NTM: variants seen among roughly 807,000 people sequenced by gnomAD.
NTM encodes IgLON family member 2.
In NTM, 13 loss-of-function variants were observed where a neutral mutation model predicts 42.1. That is an observed-to-expected ratio of 0.31 (90% CI 0.20 to 0.49). The LOEUF (loss-of-function observed/expected upper bound fraction) is 0.49, where lower values mean the gene tolerates loss of function less well. NTM is among the 20% of genes least tolerant of loss of function. The pLI is 0.99. For missense variants in NTM, 373 were observed against 452.8 expected, an observed-to-expected ratio of 0.82 and a Z score of 1.60; for synonymous variants, 187 against 179.2, an observed-to-expected ratio of 1.04 and a Z score of -0.35.
At chr11:131,587,810 CAGT>C (rs1287100144) in intron 1 of NTM, among the ~76,000 whole-genome samples, 13 of 152,038 alleles carry the variant, frequency 8.6e-5, no homozygotes, top group African/African-American at 3.1e-4. Flanking sequence ...GAGAGAATTA[CAGT>C]AGTTGACAGC....
chr11:131,804,037 G>A (rs984412062), intron 1 of NTM, among the ~76,000 whole-genome samples: 2 of 152,042 alleles, frequency 1.3e-5, no homozygotes, highest in African/African-American at 4.8e-5. Context: ...TCCTTGCCCC[G>A]ACATAAAATC....
intron 1 of NTM, among the ~76,000 whole-genome samples, chr11:131,575,302 C>A (rs1289213477): frequency 6.6e-6 from 1 of 152,128 alleles, no homozygotes; most frequent in Non-Finnish European, 1.5e-5. Context: ...TGACAGGGAG[C>A]CCCCCGTCAC....
At chr11:131,941,411 C>G (rs912576930) in intron 2 of NTM, among the ~76,000 whole-genome samples, 1 of 152,150 alleles carries the variant, frequency 6.6e-6, no homozygotes, top group Admixed American at 6.5e-5. Context: ...CAAATCCTGT[C>G]CATAGCAGGG....
chr11:131,960,001 G>A (rs1396386504), intron 2 of NTM, among the ~76,000 whole-genome samples: 3 of 152,212 alleles, frequency 2.0e-5, no homozygotes, highest in Non-Finnish European at 4.4e-5. Flanking sequence ...CTTGCAAAGA[G>A]GCAGTGGAGG....
intron 1 of NTM, among the ~76,000 whole-genome samples, chr11:131,498,213 C>T (rs909339634): frequency 6.6e-6 from 1 of 152,198 alleles, no homozygotes; most frequent in Non-Finnish European, 1.5e-5. Context: ...TGCAGTCAGA[C>T]AGACCCAAGT....
chr11:131,557,720 T>C lies in NTM; in HGVS notation c.82+186832T>C, dbSNP rs150445745. On this transcript the variant is annotated intron_variant, in intron 1 of 8. Transcript: ENST00000683400. The stretch of plus-strand genomic sequence containing the variant: ...GTGCCTTACTCAATTAGATGCTTCT[T>C]GGAGCATTTGAATGAGGGGCTAGCA... 6.7e-4 allele frequency among the ~76,000 whole-genome samples: 78 copies of C among 115,830 alleles called. 3 individuals carry two copies. In the East Asian group the frequency reaches 0.017, roughly 26 times the overall value. The allele number at this position is 115,830 out of a possible 152,430, so 76.0% of individuals were successfully genotyped here. A position where few individuals can be genotyped will look rare whatever the true frequency, so the allele number is the denominator to read the frequency against.
intron 4 of NTM, among the ~76,000 whole-genome samples, chr11:132,224,791 C>T (rs2085866253): frequency 6.6e-6 from 1 of 152,178 alleles, no homozygotes; most frequent in Non-Finnish European, 1.5e-5. Context: ...GGGGGCCAAA[C>T]TGCCAGAACC....
intron 1 of NTM, among the ~76,000 whole-genome samples, chr11:131,772,711 A>G (rs774803310): frequency 9.2e-5 from 14 of 152,124 alleles, no homozygotes; most frequent in African/African-American, 3.1e-4. Context: ...GAACATAAGG[A>G]CTCCTAATCC....
intron 1 of NTM, chr11:131,660,489 C>G (rs758580245): frequency 2.2e-6 from 1 of 457,468 alleles, no homozygotes; most frequent in Admixed American, 2.3e-5. Context: ...TGACCTTCCT[C>G]CCTCCTCCCG....
chr11:131,916,906 C>T (rs940098595), intron 2 of NTM, among the ~76,000 whole-genome samples: 1 of 152,214 alleles, frequency 6.6e-6, no homozygotes, highest in Admixed American at 6.5e-5. Flanking sequence ...AACACCCCTA[C>T]CCTGATCTTC....
chr11:132,067,261 A>G (rs2056653382), intron 2 of NTM, among the ~76,000 whole-genome samples: 2 of 152,212 alleles, frequency 1.3e-5, no homozygotes, highest in Non-Finnish European at 2.9e-5. Flanking sequence ...GCTTTTGTGG[A>G]ATATTTTTTA....
At chr11:131,558,609 A>T (rs2055776801) in intron 1 of NTM, among the ~76,000 whole-genome samples, 2 of 152,238 alleles carry the variant, frequency 1.3e-5, no homozygotes, top group African/African-American at 4.8e-5. Flanking sequence ...TGATCCCCTG[A>T]GAAGTTTAGA....
rs1012328049 is a variant in NTM, at chr11:131,694,794, G to T, written c.83-216770G>T. On this transcript the variant is annotated intron_variant, in intron 1 of 8. Coordinates refer to ENST00000683400, the MANE Select transcript of NTM (RefSeq NM_001352005.2). ...GAAGGGCATAAAGGCTTTTAAACAG[G>T]ATCAGGTGAGCCTGATGATCACTCA... Among the ~76,000 whole-genome samples the T allele has an allele frequency of 2.6e-5, 4 of 152,216 alleles. 1 individual carries two copies. The highest frequency in any genetic ancestry group is 1.3e-4 in the Admixed American group (2 of 15,284).
At chr11:131,951,791 C>T (rs1269807608) in intron 2 of NTM, among the ~76,000 whole-genome samples, 4 of 145,636 alleles carry the variant, frequency 2.7e-5, no homozygotes, top group East Asian at 2.0e-4. Context: ...CACTGTACTC[C>T]AGCCTGGGTG....
At chr11:131,400,671 T>C (rs1374802491) in intron 1 of NTM, among the ~76,000 whole-genome samples, 2 of 152,164 alleles carry the variant, frequency 1.3e-5, no homozygotes, top group African/African-American at 4.8e-5. Context: ...CTAGAATAGA[T>C]ACCAGAAAAG....
chr11:131,757,271 G>A (rs532799698), intron 1 of NTM, among the ~76,000 whole-genome samples: 2 of 152,282 alleles, frequency 1.3e-5, no homozygotes, highest in Non-Finnish European at 2.9e-5. Flanking sequence ...TGATGGAGAT[G>A]TCCTGTCATT....
intron 1 of NTM, among the ~76,000 whole-genome samples, chr11:131,803,291 T>A (rs1011238100): frequency 3.3e-5 from 5 of 150,514 alleles, no homozygotes; most frequent in Admixed American, 3.3e-4. Context: ...ACTAACGTAT[T>A]TTGGGAGTGG....
At chr11:131,678,640 C>T (rs2071856906) in intron 1 of NTM, among the ~76,000 whole-genome samples, 1 of 152,248 alleles carries the variant, frequency 6.6e-6, no homozygotes, top group Non-Finnish European at 1.5e-5. Flanking sequence ...AAGGGCATTG[C>T]TCTTTTCTTC....
chr11:131,615,425 G>C (rs929048133), intron 1 of NTM, among the ~76,000 whole-genome samples: 1 of 152,058 alleles, frequency 6.6e-6, no homozygotes, highest in African/African-American at 2.4e-5. Context: ...GAGTGCAGTG[G>C]TGCAATCTCG....
Sources: allele counts gnomAD v4.1 joint callset (sites outside exome capture counted in the v4.1 genomes callset), GRCh38; gene constraint gnomAD v4.1.1; transcripts MANE v1.5; gene names NCBI Gene and HGNC (gene_info 2026-07-23, HGNC 2026-07-21).